EHMT1: variants seen among roughly 807,000 people sequenced by gnomAD.
EHMT1 encodes euchromatic histone lysine methyltransferase 1, also known as histone-lysine N-methyltransferase EHMT1.
In EHMT1, 15 loss-of-function variants were observed where a neutral mutation model predicts 147.2. The observed-to-expected ratio is 0.10, with a 90% CI of 0.07 to 0.16. The LOEUF is 0.16. Among genes scored for constraint, EHMT1 ranks in the 10% least tolerant of loss-of-function variants. EHMT1 has a pLI of 1.00. For missense variants in EHMT1, 1,587 were observed against 1,772.4 expected (o/e 0.90, Z 1.88); for synonymous variants, 795 against 709.6 (o/e 1.12, Z -1.91).
chr9:137,634,611 ATTTCTTTTCT>A (rs138810369), intron 1 of EHMT1, among the ~76,000 whole-genome samples: 3,565 of 137,270 alleles, frequency 0.026, 87 homozygotes, highest in African/African-American at 0.062. Context: ...ATTTTCTTTC[ATTTCTTTTCT>A]TTTCTTTTCT....
chr9:137,757,051 C>T (rs969940302), intron 8 of EHMT1, among the ~76,000 whole-genome samples: 4 of 152,152 alleles, frequency 2.6e-5, no homozygotes, highest in Admixed American at 6.5e-5. Flanking sequence ...TGCCCTTGGC[C>T]GGAGTTAGAT....
At chr9:137,809,104 C>A (rs535598000) in intron 18 of EHMT1, among the ~76,000 whole-genome samples, 6 of 152,026 alleles carry the variant, frequency 3.9e-5, no homozygotes, top group South Asian at 2.1e-4. Context: ...AGAGGCTCTT[C>A]AGGAAATCCA....
At chr9:137,757,409 T>C (rs1300965326) in intron 8 of EHMT1, among the ~76,000 whole-genome samples, 1 of 152,266 alleles carries the variant, frequency 6.6e-6, no homozygotes, top group East Asian at 1.9e-4. Flanking sequence ...GCTTTCTCTC[T>C]GACACAGATT....
intron 1 of EHMT1, among the ~76,000 whole-genome samples, chr9:137,623,070 G>T (rs540329410): frequency 1.3e-5 from 2 of 151,340 alleles, no homozygotes; most frequent in Non-Finnish European, 2.9e-5. Flanking sequence ...AAAATTAGCC[G>T]GGTGTGGTGG....
chr9:137,822,911 C>G (rs558291438), intron 25 of EHMT1, among the ~76,000 whole-genome samples: 3 of 138,776 alleles, frequency 2.2e-5, no homozygotes, highest in South Asian at 2.1e-4. Flanking sequence ...AAAAAAAAAG[C>G]CTGTTTTTTG....
Position 137,690,549 on chromosome 9 carries a change from A to G in EHMT1, c.22-20418A>G, listed in dbSNP as rs1423363858. ...AAAATTACAGACTAGATGTCGAAGA[A>G]TATATCTTGTTTCTTGTTTATTTTA... is the stretch of plus-strand genomic sequence containing the variant. On this transcript the variant is annotated intron_variant, in intron 1 of 26. Transcript: ENST00000460843. Among the ~76,000 whole-genome samples, 3 of 151,578 alleles carry G rather than the reference A, an allele frequency of 2.0e-5. 1 individual carries two copies. Among genetic ancestry groups the G allele is most frequent in the African/African-American group, 7.3e-5 (3 of 41,220 alleles).
intron 1 of EHMT1, among the ~76,000 whole-genome samples, chr9:137,690,301 T>G (rs760984416): frequency 6.6e-6 from 1 of 152,134 alleles, no homozygotes; most frequent in African/African-American, 2.4e-5. Context: ...CATAGAGCTC[T>G]TCCCATGTCA....
intron 1 of EHMT1, among the ~76,000 whole-genome samples, chr9:137,635,735 G>A (rs914794227): frequency 2.0e-5 from 3 of 151,026 alleles, no homozygotes; most frequent in African/African-American, 4.8e-5. Flanking sequence ...CAGGAGAATG[G>A]CATGAACCTG....
chr9:137,803,765 C>T (rs960216922), intron 18 of EHMT1, among the ~76,000 whole-genome samples: 10 of 151,372 alleles, frequency 6.6e-5, no homozygotes, highest in East Asian at 1.9e-4. Flanking sequence ...GTGGGAAGAT[C>T]GCTTGAGCCC....
At chr9:137,765,882 A>G (rs750180637) in intron 10 of EHMT1, among the ~76,000 whole-genome samples, 3 of 152,010 alleles carry the variant, frequency 2.0e-5, no homozygotes, top group Non-Finnish European at 2.9e-5. Context: ...TGAACAACCC[A>G]GGCTGTTGGA....
In EHMT1 at chr9:137,793,895, T is replaced by G. The variant is rs146410014; in HGVS notation, c.2505+2925T>G. On this transcript the variant is annotated intron_variant, in intron 16 of 26. Coordinates refer to ENST00000460843, the MANE Select transcript of EHMT1 (RefSeq NM_024757.5). ...TCCCTGGGGCTGGGGGATGGTATTT[T>G]GCCTCATGATTGTAGAGCTTTGTTT... Among the ~76,000 whole-genome samples, 952 of 152,314 alleles carry G rather than the reference T, an allele frequency of 6.3e-3. 7 individuals are homozygous for G. Among genetic ancestry groups the G allele is most frequent in the African/African-American group, 0.016 (675 of 41,570 alleles).
At chr9:137,739,907 A>C (rs577403183) in intron 4 of EHMT1, among the ~76,000 whole-genome samples, 1 of 152,290 alleles carries the variant, frequency 6.6e-6, no homozygotes, top group South Asian at 2.1e-4. Flanking sequence ...GGCAGGGAAC[A>C]GTTCTACAGG....
intron 18 of EHMT1, among the ~76,000 whole-genome samples, chr9:137,810,682 CT>C (rs1954400893): frequency 6.6e-6 from 1 of 151,176 alleles, no homozygotes; most frequent in African/African-American, 2.4e-5. Flanking sequence ...TAAAAGAGGC[CT>C]TTTTTAAAGT....
At chr9:137,648,868 A>G (rs1845099670) in intron 1 of EHMT1, among the ~76,000 whole-genome samples, 1 of 152,112 alleles carries the variant, frequency 6.6e-6, no homozygotes, top group Non-Finnish European at 1.5e-5. Flanking sequence ...TCTCCCTATC[A>G]TGGCATCACT....
intron 18 of EHMT1, among the ~76,000 whole-genome samples, chr9:137,805,753 C>T (rs1181057651): frequency 1.3e-5 from 2 of 152,070 alleles, no homozygotes; most frequent in African/African-American, 4.8e-5. Flanking sequence ...ACCTCCGCCT[C>T]CCGGGTTCGA....
chr9:137,715,683 C>G (rs1945147753), intron 2 of EHMT1: 1 of 985,298 alleles, frequency 1.0e-6, no homozygotes, highest in African/African-American at 1.7e-5. Flanking sequence ...CTTGACTGCC[C>G]TGGATATGAT....
intron 25 of EHMT1, among the ~76,000 whole-genome samples, chr9:137,832,424 C>CT (rs1956270491): frequency 6.6e-6 from 1 of 151,282 alleles, no homozygotes. Flanking sequence ...GGCCACTGCA[C>CT]TTTGCTCCCA....
chr9:137,814,056 G>GCCGCCC (rs1954715609), intron 21 of EHMT1, among the ~76,000 whole-genome samples: 9 of 50,046 alleles, frequency 1.8e-4, no homozygotes, highest in Non-Finnish European at 2.4e-4. Context: ...CACTGCCCAG[G>GCCGCCC]CCCCCCCCCC....
At chr9:137,650,110 T>G (rs1845199334) in intron 1 of EHMT1, among the ~76,000 whole-genome samples, 1 of 152,128 alleles carries the variant, frequency 6.6e-6, no homozygotes, top group Non-Finnish European at 1.5e-5. Flanking sequence ...TTTATTTATT[T>G]TTTTTTGAGA....
Sources: gnomAD v4.1 joint callset for allele counts (sites outside exome capture counted in the v4.1 genomes callset) on GRCh38, gnomAD v4.1.1 for gene constraint, MANE v1.5 for transcripts, NCBI Gene and HGNC (gene_info 2026-07-23, HGNC 2026-07-21) for gene names.